Variants in ITM2B observed in about 807,000 individuals in gnomAD.
ITM2B encodes ABri/ADan amyloid peptide.
In ITM2B, 11 loss-of-function variants were observed where a neutral mutation model predicts 27.8. That is an observed-to-expected ratio of 0.40 (90% CI 0.25 to 0.66). The LOEUF (loss-of-function observed/expected upper bound fraction) is 0.66. Ranked by LOEUF, ITM2B falls within the 30% of genes least tolerant of loss-of-function variation. The pLI, the probability that ITM2B is intolerant of heterozygous loss-of-function variation, is 0.43. For synonymous variants in ITM2B, 114 were observed against 114.3 expected (o/e 1.00, Z 0.02); for missense variants, 296 against 328.9 (o/e 0.90, Z 0.77).
At chr13:48,234,545 G>A (rs1277346640) in intron 1 of ITM2B, among the ~76,000 whole-genome samples, 1 of 152,050 alleles carries the variant, frequency 6.6e-6, no homozygotes, top group Admixed American at 6.6e-5. Context: ...AATAATGGGA[G>A]TTTTTATATG....
chr13:48,255,589 A>T (rs1490654373), intron 2 of ITM2B, among the ~76,000 whole-genome samples: 2 of 152,178 alleles, frequency 1.3e-5, no homozygotes, highest in African/African-American at 4.8e-5. Flanking sequence ...GGCATGAGTT[A>T]CTGCACCCGA....
At chr13:48,239,293 A>G (rs1006970826) in intron 1 of ITM2B, among the ~76,000 whole-genome samples, 2 of 152,240 alleles carry the variant, frequency 1.3e-5, no homozygotes. Flanking sequence ...GGGCTGAAGC[A>G]GATGAATTGT....
intron 4 of ITM2B, among the ~76,000 whole-genome samples, chr13:48,258,521 A>T (rs1208453936): frequency 6.6e-6 from 1 of 152,190 alleles, no homozygotes; most frequent in African/African-American, 2.4e-5. Flanking sequence ...GAACATGACT[A>T]TATTCCAAAA....
At chr13:48,234,489 A>G (rs1207363021) in intron 1 of ITM2B, among the ~76,000 whole-genome samples, 1 of 152,154 alleles carries the variant, frequency 6.6e-6, no homozygotes, top group Non-Finnish European at 1.5e-5. Flanking sequence ...TATTATCAGT[A>G]GGGTAAATTT....
chr13:48,261,105 A>G (rs749603165), intron 5 of ITM2B, 34 bp from the exon 6 acceptor site: 83 of 1,423,722 alleles, frequency 5.8e-5, no homozygotes, highest in Non-Finnish European at 7.9e-5. Context: ...TTAAAGAATC[A>G]AAATTTTAAA....
At chr13:48,241,615 G>C (rs746583415) in intron 1 of ITM2B, among the ~76,000 whole-genome samples, 4 of 152,158 alleles carry the variant, frequency 2.6e-5, no homozygotes, top group Admixed American at 6.5e-5. Context: ...GGATCCCAAA[G>C]AGCTTTTGCT....
At chr13:48,243,211 AC>A (rs1317289259) in intron 1 of ITM2B, among the ~76,000 whole-genome samples, 1 of 152,166 alleles carries the variant, frequency 6.6e-6, no homozygotes, top group African/African-American at 2.4e-5. Context: ...CTCATTACCA[AC>A]TTTGTAGTTT....
chr13:48,261,014 G>A lies in ITM2B; in HGVS notation c.716-125G>A, dbSNP rs554429308. On this transcript the variant is annotated intron_variant, in intron 5 of 5. Transcript: ENST00000647800. ...TTTCTTCAGTGTAAACATTCAAACT[G>A]TAGAAGTTTTTGTGGAATATAGAGT... 7.3e-6 allele frequency: 5 copies of A among 685,174 alleles called. No individual in the cohort carries two copies. In the East Asian group the frequency reaches 8.4e-5, roughly 11 times the overall value. The allele number at this position is 685,174 out of a possible 1,614,324, so 42.4% of individuals were successfully genotyped here. A position where few individuals can be genotyped will look rare whatever the true frequency, so the allele number is the denominator to read the frequency against.
At chr13:48,239,985 T>C (rs1473309557) in intron 1 of ITM2B, among the ~76,000 whole-genome samples, 1 of 152,190 alleles carries the variant, frequency 6.6e-6, no homozygotes, top group African/African-American at 2.4e-5. Flanking sequence ...GCTGCTGCTA[T>C]TCAGGAAGCA....
intron 1 of ITM2B, among the ~76,000 whole-genome samples, chr13:48,245,850 C>G (rs535799328): frequency 1.3e-5 from 2 of 151,448 alleles, no homozygotes; most frequent in Non-Finnish European, 2.9e-5. Context: ...GCAGTCTCTG[C>G]TCACTGCAAG....
In ITM2B at chr13:48,263,762, A is replaced by G. The variant is rs1219658490; in HGVS notation, c.*2538A>G. The G allele has an allele frequency of 6.6e-6, 1 of 152,140 alleles. No individual in the cohort carries two copies. Among genetic ancestry groups the G allele is most frequent in the Non-Finnish European group, 1.5e-5 (1 of 68,036 alleles). The allele number at this position is 152,140 out of a possible 1,614,324, so 9.4% of individuals were successfully genotyped here. A position where few individuals can be genotyped will look rare whatever the true frequency, so the allele number is the denominator to read the frequency against. On this transcript the variant is annotated 3_prime_UTR_variant, in exon 6 of 6. Coordinates refer to ENST00000647800, the MANE Select transcript of ITM2B (RefSeq NM_021999.5). ...TCTTCTCTCTGTGACCTTATATCAC[A>G]GATGACTCTGGGTTCCTCTTACAAG...
chr13:48,252,383 A>G (rs1422750753), intron 1 of ITM2B, among the ~76,000 whole-genome samples: 3 of 152,218 alleles, frequency 2.0e-5, no homozygotes. Context: ...CACAGTGAGC[A>G]TTGCTGCCTG....
At chr13:48,245,615 T>C (rs1290243709) in intron 1 of ITM2B, among the ~76,000 whole-genome samples, 1 of 152,034 alleles carries the variant, frequency 6.6e-6, no homozygotes, top group African/African-American at 2.4e-5. Flanking sequence ...ATGCTAATAA[T>C]TTGGTTCAAG....
Position 48,261,361 on chromosome 13 carries a change from TAATTC to T in ITM2B, c.*142_*146del, listed in dbSNP as rs1213418441. On this transcript the variant is annotated 3_prime_UTR_variant, in exon 6 of 6. Transcript: ENST00000647800. ...GGGCTTTACTATCTTTTCATCTCAT[TAATTC>T]AATTAAAACCATTACCTTAAAATTT... The T allele has an allele frequency of 1.5e-6, 1 of 669,248 alleles. No individual in the cohort carries two copies. The highest frequency in any genetic ancestry group is 1.8e-5 in the African/African-American group (1 of 54,776). The allele number at this position is 669,248 out of a possible 1,614,324, so 41.5% of individuals were successfully genotyped here.
At chr13:48,247,868 GTCT>G (rs1951732694) in intron 1 of ITM2B, among the ~76,000 whole-genome samples, 1 of 152,162 alleles carries the variant, frequency 6.6e-6, no homozygotes, top group African/African-American at 2.4e-5. Context: ...GTGCTGCAGT[GTCT>G]TCTTTTATAA....
Position 48,265,122 on chromosome 13 carries a change from T to C in ITM2B, c.*3898T>C, listed in dbSNP as rs1269931294. 1 of 152,174 alleles carries C rather than the reference T, an allele frequency of 6.6e-6. No homozygotes were observed. The highest frequency in any genetic ancestry group is 1.5e-5 in the Non-Finnish European group (1 of 68,032). 9.4% of individuals were successfully genotyped at this position (152,174 alleles called of 1,614,324 possible). A position where few individuals can be genotyped will look rare whatever the true frequency, so the allele number is the denominator to read the frequency against. On this transcript the variant is annotated 3_prime_UTR_variant, in exon 6 of 6. Coordinates refer to ENST00000647800, the MANE Select transcript of ITM2B (RefSeq NM_021999.5). ...AATTTGATGGGACTTCTGTATCTGA[T>C]TTTTAAGCTTGCATTTGTGTTTATA...
rs12871740 is a variant in ITM2B, at chr13:48,268,595, G to T, written c.*7371G>T. Reference sequence around the variant, plus strand: ...AAAGTGCTAGGATTACAAGTGTGAGGCACTGTGCCCTGCCAGTATTCCATT... The same window carrying T: ...AAAGTGCTAGGATTACAAGTGTGAGTCACTGTGCCCTGCCAGTATTCCATT... On this transcript the variant is annotated 3_prime_UTR_variant, in exon 6 of 6. Transcript: ENST00000647800. The T allele has an allele frequency of 6.6e-6, 1 of 151,942 alleles. No individual in the cohort carries two copies. The highest frequency in any genetic ancestry group is 1.5e-5 in the Non-Finnish European group (1 of 67,946). The allele number at this position is 151,942 out of a possible 1,614,324, so 9.4% of individuals were successfully genotyped here.
chr13:48,261,048 T>A, intron 5 of ITM2B, 91 bp from the exon 6 acceptor site: 1 of 851,358 alleles, frequency 1.2e-6, no homozygotes, highest in Non-Finnish European at 1.9e-6. Flanking sequence ...GTGAAATACT[T>A]CTATATGTCT....
intron 1 of ITM2B, among the ~76,000 whole-genome samples, chr13:48,244,661 G>T (rs1173660941): frequency 6.6e-6 from 1 of 152,090 alleles, no homozygotes; most frequent in African/African-American, 2.4e-5. Flanking sequence ...TAATTATCTT[G>T]TTGAAAGACA....
Sources: gnomAD v4.1 joint callset for allele counts (sites outside exome capture counted in the v4.1 genomes callset) on GRCh38, gnomAD v4.1.1 for gene constraint, MANE v1.5 for transcripts, NCBI Gene and HGNC (gene_info 2026-07-23, HGNC 2026-07-21) for gene names.